PAX5: variants seen among roughly 807,000 people sequenced by gnomAD.
PAX5 encodes paired box 5, also known as paired box protein Pax-5.
A neutral mutation model predicts 43.7 loss-of-function variants in PAX5; 9 were observed. That is an observed-to-expected ratio of 0.21 (90% CI 0.12 to 0.36). PAX5 has a LOEUF of 0.36. PAX5 is among the 10% of genes least tolerant of loss of function. PAX5 has a pLI of 1.00. For missense variants in PAX5, 383 were observed against 532.7 expected (o/e 0.72, Z 2.77); for synonymous variants, 228 against 214.3 (o/e 1.06, Z -0.56).
At chr9:36,904,968 A>G (rs943670668) in intron 7 of PAX5, among the ~76,000 whole-genome samples, 8 of 152,370 alleles carry the variant, frequency 5.3e-5, no homozygotes, top group African/African-American at 1.9e-4. Flanking sequence ...ACAAAGAATT[A>G]TAAATCAAGG....
chr9:37,001,810 C>CTTTTTTTTTTTTTT (rs3073720), intron 5 of PAX5, among the ~76,000 whole-genome samples: 59 of 87,984 alleles, frequency 6.7e-4, no homozygotes, highest in East Asian at 8.0e-4. Flanking sequence ...ACAGCTCTGG[C>CTTTTTTTTTTTTTT]TTTTTTTTTT....
At chr9:36,950,063 G>T (rs1832870838) in intron 6 of PAX5, among the ~76,000 whole-genome samples, 1 of 152,198 alleles carries the variant, frequency 6.6e-6, no homozygotes, top group Non-Finnish European at 1.5e-5. Context: ...ACTCATCTAA[G>T]TCCCTAAGCT....
At chr9:36,939,909 C>T (rs2132053336) in intron 6 of PAX5, among the ~76,000 whole-genome samples, 1 of 152,084 alleles carries the variant, frequency 6.6e-6, no homozygotes, top group East Asian at 1.9e-4. Context: ...GGCCACTCTC[C>T]TCCTGTCACC....
At chr9:37,005,584 G>A (rs1223572527) in intron 4 of PAX5, among the ~76,000 whole-genome samples, 1 of 152,226 alleles carries the variant, frequency 6.6e-6, no homozygotes, top group Non-Finnish European at 1.5e-5. Flanking sequence ...TGGAGGCCAG[G>A]ACTCTGCCCA....
In PAX5 at chr9:37,019,913, A is replaced by G. The variant is rs62533712; in HGVS notation, c.212+723T>C. Among the ~76,000 whole-genome samples the G allele has an allele frequency of 1.5e-3, 224 of 152,274 alleles. 1 individual carries two copies. Among genetic ancestry groups the G allele is most frequent in the Non-Finnish European group, 1.7e-3 (118 of 68,008 alleles). ...CCTGTGTCAGTCACTTTGCCTGTCT[A>G]GGTTTGTTTTCTCATCTTAAAACGT... is the stretch of plus-strand genomic sequence containing the variant. On this transcript the variant is annotated intron_variant, in intron 2 of 9. Coordinates refer to ENST00000358127, the MANE Select transcript of PAX5 (RefSeq NM_016734.3).
chr9:36,849,453 G>A (rs190616722), intron 8 of PAX5, among the ~76,000 whole-genome samples: 10 of 152,290 alleles, frequency 6.6e-5, no homozygotes, highest in Admixed American at 1.3e-4. Context: ...GTCTGTTCAC[G>A]TGTTGATCCC....
intron 6 of PAX5, among the ~76,000 whole-genome samples, chr9:36,953,845 G>A (rs774950375): frequency 1.3e-5 from 2 of 152,144 alleles, no homozygotes; most frequent in South Asian, 2.1e-4. Flanking sequence ...GGCCAAGGCA[G>A]GTTGATTACC....
At chr9:36,915,118 A>G (rs1829626990) in intron 7 of PAX5, among the ~76,000 whole-genome samples, 1 of 152,232 alleles carries the variant, frequency 6.6e-6, no homozygotes. Flanking sequence ...CAAGGATCAT[A>G]CATATATAGA....
chr9:37,023,218 A>G (rs1284184517), intron 1 of PAX5, among the ~76,000 whole-genome samples: 1 of 152,176 alleles, frequency 6.6e-6, no homozygotes, highest in African/African-American at 2.4e-5. Flanking sequence ...ATAGGCCAAG[A>G]AAAGAAAGAC....
chr9:36,868,162 T>C (rs1825082507), intron 8 of PAX5, among the ~76,000 whole-genome samples: 2 of 151,918 alleles, frequency 1.3e-5, no homozygotes, highest in African/African-American at 4.8e-5. Flanking sequence ...CCAGAGCAAA[T>C]ATTGGAAGAA....
chr9:36,981,094 C>T (rs1835872531), intron 5 of PAX5, among the ~76,000 whole-genome samples: 1 of 152,034 alleles, frequency 6.6e-6, no homozygotes, highest in African/African-American at 2.4e-5. Flanking sequence ...AACTTCCTCC[C>T]CCAGATATCT....
intron 9 of PAX5, among the ~76,000 whole-genome samples, chr9:36,842,549 T>G (rs925230459): frequency 2.6e-5 from 4 of 152,182 alleles, no homozygotes; most frequent in South Asian, 2.1e-4. Context: ...CTGTGAAAAA[T>G]GAAAACATCA....
intron 1 of PAX5, among the ~76,000 whole-genome samples, chr9:37,025,271 G>A (rs2132527545): frequency 6.6e-6 from 1 of 152,316 alleles, no homozygotes; most frequent in African/African-American, 2.4e-5. Flanking sequence ...GCCTACACAA[G>A]CTTTCCCCTG....
intron 7 of PAX5, among the ~76,000 whole-genome samples, chr9:36,884,876 C>T (rs1303178001): frequency 6.6e-6 from 1 of 152,260 alleles, no homozygotes; most frequent in East Asian, 1.9e-4. Flanking sequence ...AGGTCCCCCT[C>T]TCCCAGCCCA....
At chr9:36,857,109 C>T (rs897644720) in intron 8 of PAX5, among the ~76,000 whole-genome samples, 2 of 152,204 alleles carry the variant, frequency 1.3e-5, no homozygotes, top group Admixed American at 1.3e-4. Context: ...CTAGCCTCAA[C>T]TGGGTTTGTT....
At chr9:36,897,802 C>A (rs7466692) in intron 7 of PAX5, among the ~76,000 whole-genome samples, 133,828 of 152,256 alleles carry the variant, frequency 0.88, 59,445 homozygotes, top group South Asian at 0.95. Flanking sequence ...TCCCTGATGA[C>A]GAGAATTACA....
At chr9:36,913,356 G>A (rs945741785) in intron 7 of PAX5, among the ~76,000 whole-genome samples, 9 of 152,202 alleles carry the variant, frequency 5.9e-5, no homozygotes, top group Admixed American at 1.3e-4. Context: ...CAGGGAAAAA[G>A]GCCAGCAAGA....
At chr9:36,918,040 CTCT>C (rs768432279) in intron 7 of PAX5, among the ~76,000 whole-genome samples, 1 of 152,194 alleles carries the variant, frequency 6.6e-6, no homozygotes, top group Non-Finnish European at 1.5e-5. Flanking sequence ...TCCCTCATCT[CTCT>C]TCTTCTCCTA....
At chr9:36,998,605 G>T (rs1411754074) in intron 5 of PAX5, among the ~76,000 whole-genome samples, 1 of 152,204 alleles carries the variant, frequency 6.6e-6, no homozygotes, top group Non-Finnish European at 1.5e-5. Context: ...CTGTGCACTT[G>T]AAATGTGGCC....
Sources: allele counts gnomAD v4.1 joint callset (sites outside exome capture counted in the v4.1 genomes callset), GRCh38; gene constraint gnomAD v4.1.1; transcripts MANE v1.5; gene names NCBI Gene and HGNC (gene_info 2026-07-23, HGNC 2026-07-21).